MYO3B: variants seen among roughly 807,000 people sequenced by gnomAD.
MYO3B encodes the protein myosin-IIIb.
Under a neutral mutation model 174.6 loss-of-function variants are expected in MYO3B, and 156 were observed. The observed-to-expected ratio is 0.89, with a 90% CI of 0.78 to 1.02. The LOEUF is 1.02. MYO3B is among the 50% of genes least tolerant of loss of function. The pLI is 0.00. For synonymous variants in MYO3B, 563 were observed against 569.1 expected, an observed-to-expected ratio of 0.99 and a Z score of 0.15; for missense variants, 1,632 against 1,639.4, an observed-to-expected ratio of 1.00 and a Z score of 0.08.
chr2:170,309,289 G>T lies in MYO3B; in HGVS notation c.750-26096G>T, dbSNP rs548928203. Among the ~76,000 whole-genome samples the T allele has an allele frequency of 3.3e-5, 5 of 152,216 alleles. No homozygotes were observed. The South Asian group carries it at 1.0e-3, about 32-fold the overall frequency. Reference sequence around the variant, plus strand: ...ATTACTGTGTGTAATAAACCAGTGGGTTGCTTGCAAATAGTCAAAACTATT... The same window carrying T: ...ATTACTGTGTGTAATAAACCAGTGGTTTGCTTGCAAATAGTCAAAACTATT... On this transcript the variant is annotated intron_variant, in intron 7 of 34. Transcript: ENST00000408978.
rs187677635 is a variant in MYO3B, at chr2:170,631,893, A to G, written c.3734-19735A>G. On this transcript the variant is annotated intron_variant, in intron 32 of 34. Transcript: ENST00000408978. The stretch of plus-strand genomic sequence containing the variant: ...AGTTTAAACCAACAAAGATCAAAAG[A>G]GACAAGGAAAACCATTACATAACGG... Among the ~76,000 whole-genome samples the G allele has an allele frequency of 9.1e-4, 139 of 152,350 alleles. 2 individuals carry two copies. The highest frequency in any genetic ancestry group is 2.8e-3 in the African/African-American group (117 of 41,586).
At chr2:170,212,392 TG>T (rs748048564) in intron 3 of MYO3B, among the ~76,000 whole-genome samples, 2 of 151,956 alleles carry the variant, frequency 1.3e-5, no homozygotes, top group African/African-American at 2.4e-5. Flanking sequence ...CATTTTAATA[TG>T]GGGGGGCATA....
intron 9 of MYO3B, among the ~76,000 whole-genome samples, chr2:170,380,273 G>A (rs1222252102): frequency 4.4e-5 from 4 of 90,114 alleles, no homozygotes; most frequent in African/African-American, 9.3e-5. Context: ...GATATTCAGA[G>A]TAATGTGTGT....
intron 32 of MYO3B, among the ~76,000 whole-genome samples, chr2:170,570,690 G>A (rs897886406): frequency 2.6e-5 from 4 of 152,162 alleles, no homozygotes; most frequent in Non-Finnish European, 5.9e-5. Context: ...ATTTTATTTA[G>A]CAAATGACCA....
Position 170,572,609 on chromosome 2 carries a change from A to C in MYO3B, c.3733+28621A>C, listed in dbSNP as rs1388155655. Among the ~76,000 whole-genome samples, 39 of 145,334 alleles carry C rather than the reference A, an allele frequency of 2.7e-4. No individual in the cohort carries two copies. In the East Asian group the frequency reaches 6.1e-3, roughly 23 times the overall value. On this transcript the variant is annotated intron_variant, in intron 32 of 34. Coordinates refer to ENST00000408978, the MANE Select transcript of MYO3B (RefSeq NM_138995.5). ...CAGCCTGGGCAATGACCCTATATCA[A>C]AAAAAAAAAAAAAAAGGTAAGGACC...
chr2:170,448,915 G>A (rs139059494), intron 23 of MYO3B, among the ~76,000 whole-genome samples: 312 of 151,914 alleles, frequency 2.1e-3, no homozygotes, highest in African/African-American at 6.9e-3. Flanking sequence ...TTGATTATTT[G>A]CATAAAGTCC....
chr2:170,228,354 G>A (rs914858076), intron 6 of MYO3B, among the ~76,000 whole-genome samples: 5 of 152,194 alleles, frequency 3.3e-5, no homozygotes, highest in Non-Finnish European at 4.4e-5. Flanking sequence ...GGTTGAATGA[G>A]TGAATCTTAA....
chr2:170,390,032 C>G (rs980698065), intron 14 of MYO3B, among the ~76,000 whole-genome samples: 3 of 152,032 alleles, frequency 2.0e-5, no homozygotes, highest in Middle Eastern at 3.2e-3. Context: ...ATAGTGCCTA[C>G]CGTGACTGGC....
chr2:170,651,498 G>A, intron 32 of MYO3B, 130 bp from the exon 33 acceptor site: 1 of 692,166 alleles, frequency 1.4e-6, no homozygotes, highest in Middle Eastern at 2.5e-4. Flanking sequence ...CCTAATATTA[G>A]TAAAGCTTTT....
intron 23 of MYO3B, among the ~76,000 whole-genome samples, chr2:170,459,688 C>T (rs895263199): frequency 3.3e-5 from 5 of 152,012 alleles, no homozygotes; most frequent in Non-Finnish European, 5.9e-5. Context: ...GGGTGGTGCC[C>T]GTCGAGGAGG....
intron 28 of MYO3B, among the ~76,000 whole-genome samples, chr2:170,503,347 C>G (rs1687402178): frequency 6.6e-6 from 1 of 152,102 alleles, no homozygotes; most frequent in South Asian, 2.1e-4. Flanking sequence ...CATCATGGAT[C>G]AGGATAGTAA....
intron 30 of MYO3B, among the ~76,000 whole-genome samples, chr2:170,525,834 G>A (rs1336895066): frequency 1.3e-5 from 2 of 152,206 alleles, no homozygotes; most frequent in African/African-American, 4.8e-5. Context: ...GTGAAGTACA[G>A]ATTGTCACAT....
At chr2:170,325,816 G>A (rs1450673723) in intron 7 of MYO3B, among the ~76,000 whole-genome samples, 1 of 152,084 alleles carries the variant, frequency 6.6e-6, no homozygotes, top group African/African-American at 2.4e-5. Flanking sequence ...CTCTACCTCT[G>A]CCTTTCAGTT....
chr2:170,362,537 CCTGTTCAAAAGCTCTCCATCCTACCTT>C (rs1273113802), intron 8 of MYO3B, among the ~76,000 whole-genome samples: 90 of 152,320 alleles, frequency 5.9e-4, no homozygotes, highest in Admixed American at 1.8e-3. Context: ...GACTCAGCTT[CCTGTTCAAAAGCTCTCCATCCTACCTT>C]CTTGGGGATT....
intron 32 of MYO3B, among the ~76,000 whole-genome samples, chr2:170,556,797 C>T (rs1231380965): frequency 6.6e-6 from 1 of 152,190 alleles, no homozygotes. Context: ...GCTGGGATTA[C>T]AGGCGTGAGC....
intron 32 of MYO3B, among the ~76,000 whole-genome samples, chr2:170,631,183 A>C (rs968278076): frequency 2.0e-5 from 3 of 152,150 alleles, no homozygotes; most frequent in African/African-American, 4.8e-5. Flanking sequence ...AACTAGAATA[A>C]CCAATGCAGA....
chr2:170,404,527 C>A (rs2094498397), intron 20 of MYO3B, 127 bp downstream of exon 20: 2 of 864,722 alleles, frequency 2.3e-6, no homozygotes, highest in Non-Finnish European at 3.4e-6. Flanking sequence ...AGAATATAGG[C>A]CTTCTTTTTC....
chr2:170,417,855 G>C (rs1315898745), intron 22 of MYO3B, among the ~76,000 whole-genome samples: 2 of 152,136 alleles, frequency 1.3e-5, no homozygotes, highest in Admixed American at 6.5e-5. Flanking sequence ...TCCAAATAAG[G>C]TCACATTCTG....
intron 7 of MYO3B, among the ~76,000 whole-genome samples, chr2:170,292,490 G>A (rs2093602418): frequency 6.6e-6 from 1 of 152,154 alleles, no homozygotes; most frequent in South Asian, 2.1e-4. Flanking sequence ...ATGGGTAAAT[G>A]TCTATGTCTT....
Sources: gnomAD v4.1 joint callset for allele counts (sites outside exome capture counted in the v4.1 genomes callset) on GRCh38, gnomAD v4.1.1 for gene constraint, MANE v1.5 for transcripts, NCBI Gene and HGNC (gene_info 2026-07-23, HGNC 2026-07-21) for gene names.